CNTN3: variants seen among roughly 807,000 people sequenced by gnomAD.
The protein encoded by CNTN3 is contactin-3.
A neutral mutation model predicts 119.1 loss-of-function variants in CNTN3; 60 were observed. The ratio of observed to expected loss-of-function variants is 0.50; its 90% CI spans 0.41 to 0.62. CNTN3 has a LOEUF of 0.62. Ranked by LOEUF, CNTN3 falls within the 20% of genes least tolerant of loss-of-function variation. The pLI, the probability that CNTN3 is intolerant of heterozygous loss-of-function variation, is 0.00. For synonymous variants in CNTN3, 450 were observed against 438.7 expected (o/e 1.03, Z -0.32); for missense variants, 1,101 against 1,242.4 (o/e 0.89, Z 1.71).
At chr3:74,524,158 TC>T (rs1314053711) in intron 1 of CNTN3, among the ~76,000 whole-genome samples, 1 of 151,870 alleles carries the variant, frequency 6.6e-6, no homozygotes, top group African/African-American at 2.4e-5. Context: ...CAACAATCCA[TC>T]CCCAAGATAA....
At chr3:74,512,692 C>CAAAAAAAAAAAAAAAAAAA (rs66822650) in intron 2 of CNTN3, among the ~76,000 whole-genome samples, 4 of 85,260 alleles carry the variant, frequency 4.7e-5, no homozygotes, top group African/African-American at 9.4e-5. Flanking sequence ...CATAATCAAG[C>CAAAAAAAAAAAAAAAAAAA]AAAAAAAAAA....
chr3:74,319,474 T>C (rs6802194), intron 13 of CNTN3, among the ~76,000 whole-genome samples: 3,788 of 152,246 alleles, frequency 0.025, 156 homozygotes, highest in African/African-American at 0.085. Context: ...TGTAGAAAGC[T>C]GAAACTGGAT....
At chr3:74,528,641 C>A (rs1219216082) in intron 1 of CNTN3, among the ~76,000 whole-genome samples, 1 of 151,836 alleles carries the variant, frequency 6.6e-6, no homozygotes, top group African/African-American at 2.4e-5. Context: ...AAGATAGAAA[C>A]TGTGTACTTA....
chr3:74,304,894 A>G (rs2106824503), intron 13 of CNTN3, among the ~76,000 whole-genome samples: 1 of 152,310 alleles, frequency 6.6e-6, no homozygotes, highest in Non-Finnish European at 1.5e-5. Flanking sequence ...ACAATTTGAC[A>G]GAGAATAAGA....
chr3:74,515,611 G>GA (rs1430241842), intron 2 of CNTN3, among the ~76,000 whole-genome samples: 1 of 151,964 alleles, frequency 6.6e-6, no homozygotes, highest in African/African-American at 2.4e-5. Flanking sequence ...CTTCAAGAGG[G>GA]AAAAACAAGG....
chr3:74,316,729 T>C (rs1416291272), intron 13 of CNTN3, among the ~76,000 whole-genome samples: 3 of 151,848 alleles, frequency 2.0e-5, no homozygotes, highest in East Asian at 3.9e-4. Context: ...ATCGAGACCA[T>C]ACTGGCTAAC....
chr3:74,376,680 C>A (rs151255649), intron 5 of CNTN3, among the ~76,000 whole-genome samples: 3 of 152,134 alleles, frequency 2.0e-5, no homozygotes, highest in Non-Finnish European at 4.4e-5. Flanking sequence ...GAATAATCCC[C>A]AAACTCTCCC....
intron 11 of CNTN3, among the ~76,000 whole-genome samples, chr3:74,344,278 C>T (rs1305347358): frequency 6.6e-6 from 1 of 152,058 alleles, no homozygotes; most frequent in Non-Finnish European, 1.5e-5. Context: ...AACACCCTGC[C>T]CTGCTGTTGA....
At chr3:74,527,483 G>T (rs1243574859) in intron 1 of CNTN3, among the ~76,000 whole-genome samples, 1 of 151,786 alleles carries the variant, frequency 6.6e-6, no homozygotes. Context: ...CTTTCAATTT[G>T]TCCTCAACTC....
At chr3:74,308,907 A>G (rs1702620724) in intron 13 of CNTN3, among the ~76,000 whole-genome samples, 1 of 152,150 alleles carries the variant, frequency 6.6e-6, no homozygotes, top group African/African-American at 2.4e-5. Flanking sequence ...ATAGTTACCT[A>G]GCAAAATTAA....
rs1274539668 is a variant in CNTN3, at chr3:74,344,396, G to GTTTT, written c.1365-7739_1365-7738insAAAA. Among the ~76,000 whole-genome samples, 2 of 87,812 alleles carry GTTTT rather than the reference G, an allele frequency of 2.3e-5. 1 individual carries two copies. Among genetic ancestry groups the GTTTT allele is most frequent in the African/African-American group, 8.1e-5 (2 of 24,604 alleles). The allele number at this position is 87,812 out of a possible 152,430, so 57.6% of individuals were successfully genotyped here. A position where few individuals can be genotyped will look rare whatever the true frequency, so the allele number is the denominator to read the frequency against. The stretch of plus-strand genomic sequence containing the variant: ...TAGTTCATTTACAACCTTACACAGT[G>GTTTT]GTTTTTTTTTTTTTTTTTTTTTTTT... On this transcript the variant is annotated intron_variant, in intron 11 of 22. Transcript: ENST00000263665.
intron 11 of CNTN3, among the ~76,000 whole-genome samples, chr3:74,352,671 A>C (rs964689988): frequency 2.0e-5 from 3 of 152,208 alleles, no homozygotes; most frequent in African/African-American, 7.2e-5. Flanking sequence ...ACAATATGAT[A>C]AATTAGAAAA....
intron 11 of CNTN3, 42 bp from the exon 12 acceptor site, chr3:74,336,700 A>G (rs952397106): frequency 6.8e-7 from 1 of 1,478,574 alleles, no homozygotes; most frequent in Admixed American, 2.0e-5. Flanking sequence ...TATAATAGCC[A>G]TTTTTTTTCC....
chr3:74,456,621 C>T (rs1257889058), intron 4 of CNTN3, among the ~76,000 whole-genome samples: 2 of 152,040 alleles, frequency 1.3e-5, no homozygotes, highest in African/African-American at 4.8e-5. Context: ...CCGACATTCG[C>T]ACAGGTGGCA....
At chr3:74,272,175 T>G (rs1361759319) in intron 20 of CNTN3, among the ~76,000 whole-genome samples, 1 of 152,130 alleles carries the variant, frequency 6.6e-6, no homozygotes, top group Admixed American at 6.5e-5. Context: ...CGATAGCTGA[T>G]GAGCTTTAAA....
At chr3:74,355,570 T>C (rs1703916006) in intron 11 of CNTN3, among the ~76,000 whole-genome samples, 1 of 152,024 alleles carries the variant, frequency 6.6e-6, no homozygotes, top group African/African-American at 2.4e-5. Context: ...TTCTCATGCC[T>C]CAGTCTCCCC....
At chr3:74,364,704 A>G in intron 9 of CNTN3, 108 bp from the exon 10 acceptor site, 2 of 904,540 alleles carry the variant, frequency 2.2e-6, no homozygotes, top group Non-Finnish European at 1.7e-6. Flanking sequence ...TTTTTCTGAG[A>G]GTATTAGACA....
chr3:74,357,116 C>T (rs943376952), intron 11 of CNTN3, among the ~76,000 whole-genome samples: 1 of 151,902 alleles, frequency 6.6e-6, no homozygotes, highest in African/African-American at 2.4e-5. Flanking sequence ...TTAGTACAGA[C>T]AGGGTTTCAC....
intron 1 of CNTN3, among the ~76,000 whole-genome samples, chr3:74,581,669 A>C (rs1206351592): frequency 2.6e-5 from 4 of 152,214 alleles, no homozygotes; most frequent in Non-Finnish European, 5.9e-5. Context: ...AGCCAAAAGA[A>C]ATTTGAAAGA....
Sources: gnomAD v4.1 joint callset for allele counts (sites outside exome capture counted in the v4.1 genomes callset) on GRCh38, gnomAD v4.1.1 for gene constraint, MANE v1.5 for transcripts, NCBI Gene and HGNC (gene_info 2026-07-23, HGNC 2026-07-21) for gene names.